The following EEF1AKMT1 variants were observed in gnomAD, a reference collection of about 807,000 sequenced individuals.
EEF1AKMT1 encodes EEF1A lysine methyltransferase 1.
Under a neutral mutation model 21.0 loss-of-function variants are expected in EEF1AKMT1, and 18 were observed. That is an observed-to-expected ratio of 0.86 (90% confidence interval 0.59 to 1.27). The LOEUF (loss-of-function observed/expected upper bound fraction) is 1.27. Among genes scored for constraint, EEF1AKMT1 ranks in the 50% most tolerant of loss-of-function variants. The pLI, the probability that EEF1AKMT1 is intolerant of heterozygous loss-of-function variation, is 0.00. For synonymous variants in EEF1AKMT1, 109 were observed against 94.8 expected (o/e 1.15, Z -0.87); for missense variants, 246 against 258.6 (o/e 0.95, Z 0.33).
intron 1 of EEF1AKMT1, among the ~76,000 whole-genome samples, chr13:20,772,361 C>G (rs762955205): frequency 2.0e-5 from 3 of 152,092 alleles, no homozygotes; most frequent in Non-Finnish European, 1.5e-5. Context: ...GAATGAGGAG[C>G]CCTTTTGTCG....
intron 1 of EEF1AKMT1, among the ~76,000 whole-genome samples, chr13:20,768,029 CT>C (rs1181228936): frequency 2.6e-5 from 4 of 152,206 alleles, no homozygotes; most frequent in Admixed American, 2.6e-4. Flanking sequence ...TTTCCTCTAG[CT>C]TTTTGAAAGT....
intron 3 of EEF1AKMT1, among the ~76,000 whole-genome samples, chr13:20,734,642 G>A (rs1368748811): frequency 1.3e-5 from 2 of 151,802 alleles, no homozygotes; most frequent in South Asian, 2.1e-4. Context: ...CGCTCAGGCT[G>A]GAGTGCGGTG....
intron 1 of EEF1AKMT1, chr13:20,769,244 C>T (rs542938885): frequency 1.6e-4 from 24 of 152,368 alleles, no homozygotes; most frequent in African/African-American, 5.3e-4. Flanking sequence ...CCAGGAGCAG[C>T]TTGGCTATGC....
At chr13:20,756,771 C>T (rs1042024952) in intron 2 of EEF1AKMT1, among the ~76,000 whole-genome samples, 1 of 152,174 alleles carries the variant, frequency 6.6e-6, no homozygotes, top group East Asian at 1.9e-4. Context: ...TTTACATATA[C>T]TTACCCTTTC....
intron 1 of EEF1AKMT1, among the ~76,000 whole-genome samples, chr13:20,767,648 G>C (rs981868202): frequency 6.6e-5 from 10 of 151,928 alleles, no homozygotes; most frequent in African/African-American, 1.9e-4. Context: ...ATGTGCCTTG[G>C]TGTGGTTTTT....
chr13:20,731,790 C>T, intron 4 of EEF1AKMT1, 51 bp downstream of exon 4: 2 of 1,559,776 alleles, frequency 1.3e-6, no homozygotes, highest in Non-Finnish European at 1.7e-6. Flanking sequence ...CCCTGAAGAC[C>T]TGAATAGCCA....
At chr13:20,739,140 C>T (rs537229983) in intron 2 of EEF1AKMT1, among the ~76,000 whole-genome samples, 22 of 152,190 alleles carry the variant, frequency 1.4e-4, no homozygotes, top group African/African-American at 5.1e-4. Context: ...GATGGCACAT[C>T]TGGAGTTGGT....
At chr13:20,760,212 G>A (rs749267121) in intron 1 of EEF1AKMT1, among the ~76,000 whole-genome samples, 10 of 151,326 alleles carry the variant, frequency 6.6e-5, no homozygotes, top group Non-Finnish European at 1.2e-4. Context: ...CTAATCCTAT[G>A]TAAAACAAAA....
chr13:20,751,585 G>A (rs768064231), intron 2 of EEF1AKMT1, among the ~76,000 whole-genome samples: 23 of 152,106 alleles, frequency 1.5e-4, no homozygotes, highest in Admixed American at 4.6e-4. Context: ...TTGAACTCAG[G>A]TAGTGTGATG....
chr13:20,747,613 A>T (rs911064689), intron 2 of EEF1AKMT1, among the ~76,000 whole-genome samples: 1 of 151,800 alleles, frequency 6.6e-6, no homozygotes, highest in Admixed American at 6.6e-5. Flanking sequence ...TTACAGGCAC[A>T]TGCCACCATG....
Position 20,729,037 on chromosome 13 carries a change from G to C in EEF1AKMT1, c.*43C>G. On this transcript the variant is annotated 3_prime_UTR_variant, in exon 5 of 5. Coordinates refer to ENST00000382758, the MANE Select transcript of EEF1AKMT1 (RefSeq NM_001318939.2). ...ATCTACTACGAAAATACAAAAAGAG[G>C]AATGTGACAGGGTTCCTTCCTGTGT... 6.2e-7 allele frequency: 1 copy of C among 1,610,516 alleles called. No homozygotes were observed. The highest frequency in any genetic ancestry group is 8.5e-7 in the Non-Finnish European group (1 of 1,177,056).
chr13:20,761,018 A>G (rs7999267), intron 1 of EEF1AKMT1, among the ~76,000 whole-genome samples: 3 of 152,242 alleles, frequency 2.0e-5, no homozygotes, highest in South Asian at 4.1e-4. Context: ...AGTAACTTAT[A>G]TAACTACAGT....
At chr13:20,766,306 AAAAAAAAAAG>A (rs1252422003) in intron 1 of EEF1AKMT1, among the ~76,000 whole-genome samples, 3 of 150,582 alleles carry the variant, frequency 2.0e-5, no homozygotes, top group African/African-American at 4.9e-5. Context: ...CTCAAAAAAA[AAAAAAAAAAG>A]AAAGAAAGAA....
At chr13:20,760,245 A>T (rs2058994212) in intron 1 of EEF1AKMT1, among the ~76,000 whole-genome samples, 1 of 152,140 alleles carries the variant, frequency 6.6e-6, no homozygotes, top group Non-Finnish European at 1.5e-5. Context: ...TAGGCTGTTT[A>T]TTGCAGGACT....
rs182566523 is a variant in EEF1AKMT1 at position 20,744,157 on chromosome 13, T to C, written c.145-6352A>G. Among the ~76,000 whole-genome samples the C allele has an allele frequency of 1.8e-3, 279 of 152,338 alleles. 2 individuals carry two copies. The highest frequency in any genetic ancestry group is 6.5e-3 in the African/African-American group (270 of 41,576). On this transcript the variant is annotated intron_variant, in intron 2 of 4. Transcript: ENST00000382758. The stretch of plus-strand genomic sequence containing the variant: ...TGTAAACAGTGCTGCAATAAACATA[T>C]GTGTGCATGTGTCTTTATAGCAGAA...
chr13:20,729,096 A>G lies in EEF1AKMT1; in HGVS notation c.629T>C (p.Leu210Pro). 1 of 1,614,236 alleles carries G rather than the reference A, an allele frequency of 6.2e-7. No individual in the cohort carries two copies. Among genetic ancestry groups the G allele is most frequent in the Non-Finnish European group, 8.5e-7 (1 of 1,180,038 alleles). The change falls in exon 5 of 5, where the codon CTG (leucine) becomes CCG (proline). Residue 210 changes from leucine (L) to proline (P), a missense_variant. Leu to Pro is a moderately conservative substitution (Grantham distance 98). Transcript: ENST00000382758. The part of the protein sequence containing the change: ...FRCYVNYDSG[L>P]DCGI ...CGTCTGTAATCAGATCCCACAGTCC[A>G]GCCCAGAATCATAATTCACATAACA... is the stretch of plus-strand genomic sequence containing the variant.
At chr13:20,747,326 T>C in intron 2 of EEF1AKMT1, 1 of 245,064 alleles carries the variant, frequency 4.1e-6, no homozygotes, top group Non-Finnish European at 8.5e-6. Context: ...GTCATAGTAC[T>C]GAAGATTCTT....
At position 20,738,280 on chromosome 13, in the gene EEF1AKMT1, T is replaced by G. The variant is rs146358597; in HGVS notation, c.145-475A>C. On this transcript the variant is annotated intron_variant, in intron 2 of 4. Transcript: ENST00000382758. ...TCCTTGCCCACAGCCTCATCTTACC[T>G]TATGCATGTTTCCTCAATTACTTGT... Among the ~76,000 whole-genome samples the G allele has an allele frequency of 2.1e-4, 32 of 152,356 alleles. No homozygotes were observed. In the East Asian group the frequency reaches 5.6e-3, roughly 27 times the overall value.
chr13:20,762,768 C>A (rs1356037740), intron 1 of EEF1AKMT1, among the ~76,000 whole-genome samples: 1 of 152,152 alleles, frequency 6.6e-6, no homozygotes, highest in African/African-American at 2.4e-5. Flanking sequence ...CCTGCCTCAG[C>A]CTCCGAAAGT....
Sources: gnomAD v4.1 joint callset for allele counts (sites outside exome capture counted in the v4.1 genomes callset) on GRCh38, gnomAD v4.1.1 for gene constraint, MANE v1.5 for transcripts, NCBI Gene and HGNC (gene_info 2026-07-23, HGNC 2026-07-21) for gene names.